Variants in SLC44A3 observed in about 807,000 individuals in gnomAD.
SLC44A3 encodes the protein choline transporter-like protein 3.
SLC44A3 carries 74 observed loss-of-function variants against 75.4 expected under a neutral mutation model. The ratio of observed to expected loss-of-function variants is 0.98; its 90% CI spans 0.81 to 1.19. SLC44A3 has a LOEUF of 1.19. Among genes scored for constraint, SLC44A3 ranks in the 50% most tolerant of loss-of-function variants. The pLI is 0.00. For synonymous variants in SLC44A3, 310 were observed against 296.9 expected, an observed-to-expected ratio of 1.04 and a Z score of -0.45; for missense variants, 700 against 778.6, an observed-to-expected ratio of 0.90 and a Z score of 1.20.
intron 5 of SLC44A3, among the ~76,000 whole-genome samples, chr1:94,830,600 C>T (rs1267569556): frequency 1.3e-5 from 2 of 152,006 alleles, no homozygotes; most frequent in Admixed American, 1.3e-4. Context: ...ATAAACACAT[C>T]TTAATGAAAC....
chr1:94,863,197 C>G (rs1246418248), intron 10 of SLC44A3, among the ~76,000 whole-genome samples: 1 of 152,184 alleles, frequency 6.6e-6, no homozygotes, highest in African/African-American at 2.4e-5. Flanking sequence ...AACCCAGCTT[C>G]TGGAACCTCT....
intron 9 of SLC44A3, among the ~76,000 whole-genome samples, chr1:94,850,097 G>A (rs909021718): frequency 1.3e-5 from 2 of 152,110 alleles, no homozygotes; most frequent in African/African-American, 4.8e-5. Flanking sequence ...AAAAAAATAG[G>A]AGTGAACTTG....
In SLC44A3 at chr1:94,824,456, C is replaced by G. The variant is rs202221867; in HGVS notation, c.136-37C>G. 61 of 1,559,016 alleles carry G rather than the reference C, an allele frequency of 3.9e-5. No individual in the cohort carries two copies. In the African/African-American group the frequency reaches 7.2e-4, roughly 18 times the overall value. ...GGTGTGGGGCACTGTGCGCTCAGCCCTTTGGCCAGGCTCTCATATGCCCCC... is the reference window on the plus strand; with the variant it reads ...GGTGTGGGGCACTGTGCGCTCAGCCGTTTGGCCAGGCTCTCATATGCCCCC... On this transcript the variant is annotated intron_variant, in intron 2 of 14. Coordinates refer to ENST00000271227, the MANE Select transcript of SLC44A3 (RefSeq NM_001114106.3).
intron 9 of SLC44A3, among the ~76,000 whole-genome samples, chr1:94,852,794 A>T (rs915544248): frequency 6.6e-6 from 1 of 152,178 alleles, no homozygotes; most frequent in Non-Finnish European, 1.5e-5. Context: ...GGAGTTGGAG[A>T]AGACTCTGAG....
At chr1:94,833,311 G>A (rs151000004) in intron 5 of SLC44A3, among the ~76,000 whole-genome samples, 4 of 152,260 alleles carry the variant, frequency 2.6e-5, no homozygotes, top group African/African-American at 9.6e-5. Flanking sequence ...TGGGTTCTTC[G>A]GGGCTCTTTC....
At chr1:94,886,442 C>T (rs1443074961) in intron 12 of SLC44A3, among the ~76,000 whole-genome samples, 1 of 152,154 alleles carries the variant, frequency 6.6e-6, no homozygotes, top group African/African-American at 2.4e-5. Flanking sequence ...CCCATTTCTC[C>T]TCTGCTGGGG....
Position 94,864,874 on chromosome 1 carries a change from A to G in SLC44A3, c.1370A>G (p.Tyr457Cys), listed in dbSNP as rs767621580. The G allele has an allele frequency of 6.2e-6, 10 of 1,613,828 alleles. No individual in the cohort carries two copies. In the Admixed American group the frequency reaches 1.7e-4, roughly 27 times the overall value. Residue 457 changes from tyrosine (Y) to cysteine (C), a missense_variant, in exon 11 of 15, where the codon TAC becomes TGC. Physicochemically the swap from Tyr to Cys is radical, Grantham distance 194 (BLOSUM62 -2). Transcript: ENST00000271227. ...VVRIPRIIVM[Y>C]MQNALKEQQH... Reference sequence around the variant, plus strand: ...AGGATTCCGAGAATCATTGTCATGTACATGCAAAACGCACTGAAAGAACAG... The same window carrying G: ...AGGATTCCGAGAATCATTGTCATGTGCATGCAAAACGCACTGAAAGAACAG...
In SLC44A3 at chr1:94,829,660, T is replaced by C. The variant is rs550596532; in HGVS notation, c.509+1074T>C. ...TATTGCCACCATTATGATGCTGAGATGTACTAAAGGAAAACTTGTATTGAT... is the reference window on the plus strand; with the variant it reads ...TATTGCCACCATTATGATGCTGAGACGTACTAAAGGAAAACTTGTATTGAT... On this transcript the variant is annotated intron_variant, in intron 5 of 14. Coordinates refer to ENST00000271227, the MANE Select transcript of SLC44A3 (RefSeq NM_001114106.3). Among the ~76,000 whole-genome samples the C allele has an allele frequency of 1.1e-4, 16 of 152,350 alleles. No homozygotes were observed. In the South Asian group the frequency reaches 3.1e-3, roughly 30 times the overall value.
chr1:94,834,168 C>T (rs138653647), intron 5 of SLC44A3, among the ~76,000 whole-genome samples: 1 of 152,194 alleles, frequency 6.6e-6, no homozygotes, highest in Non-Finnish European at 1.5e-5. Flanking sequence ...CCACCATACC[C>T]AATACCCAGA....
chr1:94,853,968 T>G lies in SLC44A3; in HGVS notation c.1073-3367T>G, dbSNP rs867386387. Among the ~76,000 whole-genome samples, 206 of 152,188 alleles carry G rather than the reference T, an allele frequency of 1.4e-3. 1 individual carries two copies. Among genetic ancestry groups the G allele is most frequent in the African/African-American group, 4.8e-3 (200 of 41,510 alleles). ...TAAATGTTTAAGTTAATTTCAGAAT[T>G]GGAATTCTATCTACCTATATCTCAT... On this transcript the variant is annotated intron_variant, in intron 9 of 14. Coordinates refer to ENST00000271227, the MANE Select transcript of SLC44A3 (RefSeq NM_001114106.3).
chr1:94,870,587 A>G (rs1250738335), intron 12 of SLC44A3, among the ~76,000 whole-genome samples: 1 of 152,226 alleles, frequency 6.6e-6, no homozygotes, highest in Admixed American at 6.5e-5. Context: ...AACGACAGCA[A>G]TAACAGCTGT....
chr1:94,874,222 G>A (rs565911899), intron 12 of SLC44A3, among the ~76,000 whole-genome samples: 4 of 152,326 alleles, frequency 2.6e-5, no homozygotes, highest in African/African-American at 9.6e-5. Context: ...AGGCTGTCTG[G>A]GAGAAAACAA....
chr1:94,893,609 C>G (rs1670457831), intron 14 of SLC44A3, among the ~76,000 whole-genome samples: 1 of 152,028 alleles, frequency 6.6e-6, no homozygotes, highest in South Asian at 2.1e-4. Context: ...CTCCTGACCT[C>G]AGGTGATCCA....
intron 1 of SLC44A3, 74 bp from the exon 2 acceptor site, chr1:94,820,875 T>G (rs1660469249): frequency 2.2e-6 from 3 of 1,390,576 alleles, no homozygotes; most frequent in Admixed American, 5.0e-5. Context: ...CCTCTTCGAG[T>G]AGATTTGGGT....
intron 12 of SLC44A3, among the ~76,000 whole-genome samples, chr1:94,882,587 G>A (rs1669123042): frequency 6.6e-6 from 1 of 152,150 alleles, no homozygotes; most frequent in Non-Finnish European, 1.5e-5. Flanking sequence ...AGAGCTTGGG[G>A]GATGAAGGTG....
Position 94,895,033 on chromosome 1 carries a change from A to T in SLC44A3, c.*111A>T, listed in dbSNP as rs960978417. On this transcript the variant is annotated 3_prime_UTR_variant, in exon 15 of 15. Transcript: ENST00000271227. ...TAGTGAATTTTTTTTTAAAAGACCT[A>T]ATAAACCCTATTCTTCCTCATTGTC... 1.5e-5 allele frequency: 11 copies of T among 712,300 alleles called. No homozygotes were observed. Among genetic ancestry groups the T allele is most frequent in the Non-Finnish European group, 2.1e-5 (9 of 425,798 alleles). 44.1% of individuals were successfully genotyped at this position (712,300 alleles called of 1,614,324 possible).
rs1398531374 is a variant in SLC44A3, at chr1:94,892,394, A to G, written c.1734A>G (p.Val578=). The G allele has an allele frequency of 6.2e-7, 1 of 1,614,158 alleles. No homozygotes were observed. Among genetic ancestry groups the G allele is most frequent in the South Asian group, 1.1e-5 (1 of 91,080 alleles). Residue 578 remains valine, a synonymous_variant, in exon 14 of 15, where the codon GTA becomes GTG. Coordinates refer to ENST00000271227, the MANE Select transcript of SLC44A3 (RefSeq NM_001114106.3). ...TGGTAGCTTTTTTTGCCTACTTAGT[A>G]GCCCATAGTTTTTTATCTGTGTTTG... is the stretch of plus-strand genomic sequence containing the variant. ...LLLVAFFAYL[V]AHSFLSVFET...
intron 12 of SLC44A3, among the ~76,000 whole-genome samples, chr1:94,877,158 C>T (rs1453487912): frequency 8.3e-6 from 1 of 120,646 alleles, no homozygotes; most frequent in Admixed American, 9.9e-5. Context: ...AGACCTGGAC[C>T]TTCAGTCAAG....
chr1:94,827,868 A>G (rs1661580631), intron 4 of SLC44A3, among the ~76,000 whole-genome samples: 5 of 152,066 alleles, frequency 3.3e-5, no homozygotes, highest in Admixed American at 2.0e-4. Context: ...TATTCCGTGT[A>G]TGCTCCCTGC....
Sources: gnomAD v4.1 joint callset for allele counts (sites outside exome capture counted in the v4.1 genomes callset) on GRCh38, gnomAD v4.1.1 for gene constraint, MANE v1.5 for transcripts, NCBI Gene and HGNC (gene_info 2026-07-23, HGNC 2026-07-21) for gene names.